Variants in KLKB1 observed in about 807,000 individuals in gnomAD.
The protein encoded by KLKB1 is plasma kallikrein.
In KLKB1, 58 loss-of-function variants were observed where a neutral mutation model predicts 73.6. The ratio of observed to expected loss-of-function variants is 0.79; its 90% CI spans 0.64 to 0.98. KLKB1 has a LOEUF of 0.98. Ranked by LOEUF, KLKB1 falls within the 50% of genes least tolerant of loss-of-function variation. KLKB1 has a pLI of 0.00. For missense variants in KLKB1, 737 were observed against 763.8 expected (o/e 0.96, Z 0.41); for synonymous variants, 280 against 258.1 (o/e 1.08, Z -0.81).
chr4:186,254,396 T>G (rs1738868673), intron 11 of KLKB1, among the ~76,000 whole-genome samples, 192 bp from the exon 12 acceptor site: 1 of 152,232 alleles, frequency 6.6e-6, no homozygotes, highest in South Asian at 2.1e-4. Flanking sequence ...TTCAATTTGT[T>G]AAATAGAATC....
chr4:186,238,358 A>G lies in KLKB1; in HGVS notation c.591A>G (p.Ser197=), dbSNP rs1737817061. 2 of 1,607,346 alleles carry G rather than the reference A, an allele frequency of 1.2e-6. No individual in the cohort carries two copies. Among genetic ancestry groups the G allele is most frequent in the Non-Finnish European group, 1.7e-6 (2 of 1,173,944 alleles). ...TCTCACTGAAGCCCTGTGCCCTTTC[A>G]GAAATTGGTAATTGTAGGACTACTT... ...SGFSLKPCAL[S]EIGCHMNIFQ... is the part of the protein sequence containing the mutation. Residue 197 remains serine, a synonymous_variant, in exon 6 of 15, where the codon TCA becomes TCG. Coordinates refer to ENST00000264690, the MANE Select transcript of KLKB1 (RefSeq NM_000892.5).
chr4:186,255,499 C>T (rs531610701), intron 12 of KLKB1, among the ~76,000 whole-genome samples: 88 of 152,262 alleles, frequency 5.8e-4, no homozygotes, highest in African/African-American at 1.8e-3. Flanking sequence ...CCCAGGAGCT[C>T]AAGGCTGTAG....
chr4:186,245,778 G>A (rs1738297296), intron 6 of KLKB1, among the ~76,000 whole-genome samples: 1 of 148,616 alleles, frequency 6.7e-6, no homozygotes, highest in Admixed American at 6.8e-5. Flanking sequence ...TGTGGGGTTT[G>A]AGGGCTGGAA....
intron 2 of KLKB1, 69 bp from the exon 3 acceptor site, chr4:186,232,058 C>T: frequency 7.6e-7 from 1 of 1,311,674 alleles, no homozygotes. Flanking sequence ...GAAGTTAAGA[C>T]AACAGATATC....
chr4:186,223,949 C>A (rs901993622), upstream of KLKB1, among the ~76,000 whole-genome samples: 4 of 152,214 alleles, frequency 2.6e-5, no homozygotes, highest in African/African-American at 9.6e-5. Flanking sequence ...TTCATGGGCC[C>A]TGCTGCTCTG....
At chr4:186,229,263 G>A (rs1475054056) in intron 2 of KLKB1, among the ~76,000 whole-genome samples, 7 of 152,168 alleles carry the variant, frequency 4.6e-5, no homozygotes, top group Non-Finnish European at 1.0e-4. Flanking sequence ...AATCAGGGAT[G>A]TAAGTAAGCA....
At chr4:186,226,042 C>T (rs564045480), upstream of KLKB1, among the ~76,000 whole-genome samples, 2 of 151,974 alleles carry the variant, frequency 1.3e-5, no homozygotes, top group African/African-American at 4.8e-5. Flanking sequence ...TAGTCTGCTG[C>T]TGAAGCTGTT....
Position 186,250,250 on chromosome 4 carries a change from C to A in KLKB1, c.606C>A (p.His202Gln), listed in dbSNP as rs4253373. The change falls in exon 7 of 15, where the codon CAC becomes CAA. Residue 202 changes from histidine to glutamine, a missense_variant. Transcript: ENST00000264690. The part of the protein sequence containing the change: ...KPCALSEIGC[H>Q]MNIFQHLAFS... ...CTCTCTGTGAGTTCACAGGTTGCCA[C>A]ATGAACATCTTCCAGCATCTTGCGT... 698 of 1,614,080 alleles carry A rather than the reference C, an allele frequency of 4.3e-4. 4 individuals are homozygous for A. The African/African-American group carries it at 8.7e-3, about 20-fold the overall frequency.
chr4:186,224,494 G>A (rs1737107605), upstream of KLKB1, among the ~76,000 whole-genome samples: 1 of 152,240 alleles, frequency 6.6e-6, no homozygotes, highest in African/African-American at 2.4e-5. Context: ...GGGCTCCAAG[G>A]AGATTATTTT....
intron 4 of KLKB1, among the ~76,000 whole-genome samples, chr4:186,235,115 C>T (rs1353162171): frequency 2.0e-5 from 3 of 152,138 alleles, no homozygotes; most frequent in Non-Finnish European, 4.4e-5. Flanking sequence ...GTGGGCCTGA[C>T]TTAGCCAGTA....
chr4:186,218,364 C>A (rs1736955985), intron 2 of KLKB1, among the ~76,000 whole-genome samples: 4 of 152,258 alleles, frequency 2.6e-5, no homozygotes, highest in Admixed American at 2.0e-4. Context: ...AAAAAAAGTT[C>A]TGTTAGATGA....
chr4:186,236,374 CT>C (rs1361750976), intron 4 of KLKB1, among the ~76,000 whole-genome samples: 1 of 152,182 alleles, frequency 6.6e-6, no homozygotes, highest in Admixed American at 6.5e-5. Context: ...TAGAGAAGCT[CT>C]TTCATTCAAT....
intron 2 of KLKB1, among the ~76,000 whole-genome samples, chr4:186,230,516 T>G (rs894307444): frequency 6.6e-6 from 1 of 152,184 alleles, no homozygotes; most frequent in African/African-American, 2.4e-5. Context: ...ATGAGATAAA[T>G]TATATAATAG....
At chr4:186,213,909 T>C (rs746027720) in intron 2 of KLKB1, among the ~76,000 whole-genome samples, 1 of 152,204 alleles carries the variant, frequency 6.6e-6, no homozygotes, top group Non-Finnish European at 1.5e-5. Flanking sequence ...CAGCACTTTT[T>C]ATTTTTGAAA....
chr4:186,245,331 T>C (rs1439974860), intron 6 of KLKB1, among the ~76,000 whole-genome samples: 2 of 152,182 alleles, frequency 1.3e-5, no homozygotes, highest in Non-Finnish European at 1.5e-5. Context: ...GCATCTGTGA[T>C]GGTCCAGGAG....
At chr4:186,255,490 C>T (rs1738949831) in intron 12 of KLKB1, among the ~76,000 whole-genome samples, 1 of 152,126 alleles carries the variant, frequency 6.6e-6, no homozygotes, top group Non-Finnish European at 1.5e-5. Context: ...TCTCTTGAGC[C>T]CAGGAGCTCA....
chr4:186,242,698 T>C (rs940001112), intron 6 of KLKB1, among the ~76,000 whole-genome samples: 3 of 152,136 alleles, frequency 2.0e-5, no homozygotes, highest in African/African-American at 7.2e-5. Flanking sequence ...AGAGAGTGCC[T>C]AAGGGGGTTC....
intron 6 of KLKB1, among the ~76,000 whole-genome samples, chr4:186,242,724 T>A (rs951041161): frequency 2.6e-5 from 4 of 152,130 alleles, no homozygotes; most frequent in Non-Finnish European, 5.9e-5. Flanking sequence ...AATTACTTGC[T>A]TGGTTGGTGA....
intron 6 of KLKB1, among the ~76,000 whole-genome samples, chr4:186,249,235 T>C (rs941039411): frequency 3.9e-5 from 6 of 152,204 alleles, no homozygotes; most frequent in African/African-American, 1.4e-4. Flanking sequence ...ACCTAATTCA[T>C]GGTTTTGAAG....
Sources: gnomAD v4.1 joint callset for allele counts (sites outside exome capture counted in the v4.1 genomes callset) on GRCh38, gnomAD v4.1.1 for gene constraint, MANE v1.5 for transcripts, NCBI Gene and HGNC (gene_info 2026-07-23, HGNC 2026-07-21) for gene names.